RALGAPA1: variants seen among roughly 807,000 people sequenced by gnomAD.
RALGAPA1 encodes ral GTPase-activating protein subunit alpha-1.
RALGAPA1 carries 52 observed loss-of-function variants against 269.6 expected under a neutral mutation model. That is an observed-to-expected ratio of 0.19 (90% confidence interval 0.15 to 0.24). The LOEUF (loss-of-function observed/expected upper bound fraction) is 0.24, where lower values mean the gene tolerates loss of function less well. Among genes scored for constraint, RALGAPA1 ranks in the 10% least tolerant of loss-of-function variants. The pLI is 1.00. For missense variants in RALGAPA1, 1,917 were observed against 3,013.9 expected (o/e 0.64, Z 8.52); for synonymous variants, 817 against 1,008.3 (o/e 0.81, Z 3.60).
At chr14:35,729,781 C>A (rs1194460363) in intron 12 of RALGAPA1, among the ~76,000 whole-genome samples, 1 of 152,112 alleles carries the variant, frequency 6.6e-6, no homozygotes, top group Non-Finnish European at 1.5e-5. Flanking sequence ...AGTGAAAGAA[C>A]AGGTCTTCCC....
chr14:35,659,170 G>C lies in RALGAPA1; in HGVS notation c.5355C>G (p.Ser1785Arg), dbSNP rs749447980. The part of the protein sequence containing the change: ...VKELIIKTVL[S>R]SARDEPSGPA... Reference sequence around the variant, plus strand: ...GACCAGAGGGCTCATCTCTTGCCGAGCTTAATACAGTTTTGATTATAAGTT... The same window carrying C: ...GACCAGAGGGCTCATCTCTTGCCGACCTTAATACAGTTTTGATTATAAGTT... The change falls in exon 28 of 42, where the codon AGC becomes AGG. Residue 1785 changes from serine (S) to arginine (R), a missense_variant. Transcript: ENST00000680220. The C allele has an allele frequency of 1.2e-6, 2 of 1,611,184 alleles. No individual in the cohort carries two copies. The highest frequency in any genetic ancestry group is 4.5e-5 in the East Asian group (2 of 44,740).
In RALGAPA1 at chr14:35,627,360, A is replaced by T. The variant is rs2061058646; in HGVS notation, c.6587T>A (p.Val2196Asp). Residue 2196 changes from valine to aspartate, a missense_variant, in exon 34 of 42, where the codon GTT (valine) becomes GAT (aspartate). Val to Asp is a radical substitution (Grantham distance 152, BLOSUM62 -3). Around this residue, in one of 11 missense-constraint regions of RALGAPA1, gnomAD observed 132 missense variants for 271.2 expected, o/e 0.49. Coordinates refer to ENST00000680220, the MANE Select transcript of RALGAPA1 (RefSeq NM_001346249.2). ...TCTCTGTAAGCATTCAGGACTAGTA[A>T]CACCCAAATACTGCAAGAGCTCATC... is the stretch of plus-strand genomic sequence containing the variant. ...VLDELLQYLGVTSPECLQRTG... is the reference protein window; with the variant it reads ...VLDELLQYLGDTSPECLQRTG... 6.2e-7 allele frequency: 1 copy of T among 1,614,040 alleles called. No individual in the cohort carries two copies. The highest frequency in any genetic ancestry group is 8.5e-7 in the Non-Finnish European group (1 of 1,179,996).
chr14:35,646,481 T>C lies in RALGAPA1; in HGVS notation c.5676+5324A>G, dbSNP rs575015456. 3.3e-4 allele frequency among the ~76,000 whole-genome samples: 50 copies of C among 152,234 alleles called. 1 individual carries two copies. In the South Asian group the frequency reaches 9.7e-3, roughly 30 times the overall value. On this transcript the variant is annotated intron_variant, in intron 31 of 41. Transcript: ENST00000680220. ...AATACGCCTAATTTAAATCCAATAA[T>C]AACAAACCTAATCATGATGAAACAC...
chr14:35,695,209 G>T (rs374586668), intron 17 of RALGAPA1, among the ~76,000 whole-genome samples: 31 of 151,914 alleles, frequency 2.0e-4, no homozygotes, highest in Middle Eastern at 3.4e-3. Flanking sequence ...ATCAAGCCTG[G>T]GCAACACAAT....
intron 21 of RALGAPA1, among the ~76,000 whole-genome samples, chr14:35,679,326 AATAC>A (rs1331117854): frequency 6.6e-6 from 1 of 152,248 alleles, no homozygotes; most frequent in African/African-American, 2.4e-5. Context: ...ATATAAATTA[AATAC>A]ATACAGATGC....
chr14:35,794,462 G>GT (rs1405830751), intron 1 of RALGAPA1, among the ~76,000 whole-genome samples: 5 of 151,714 alleles, frequency 3.3e-5, no homozygotes, highest in Admixed American at 6.6e-5. Flanking sequence ...TTTTCTTTTT[G>GT]TTTTTTTGTT....
chr14:35,684,945 A>G lies in RALGAPA1; in HGVS notation c.4278T>C (p.Asp1426=), dbSNP rs191383665. ...GATACTTGCTGTCAAATTTTCGGCCATCATATTGGAAAGCGCTGAAAGAAT... is the reference window on the plus strand; with the variant it reads ...GATACTTGCTGTCAAATTTTCGGCCGTCATATTGGAAAGCGCTGAAAGAAT... ...HSDSFSAFQY[D]GRKFDNFGFG... Residue 1426 remains aspartate, a synonymous_variant, in exon 20 of 42, where the codon GAT becomes GAC. Coordinates refer to ENST00000680220, the MANE Select transcript of RALGAPA1 (RefSeq NM_001346249.2). 13 of 1,613,496 alleles carry G rather than the reference A, an allele frequency of 8.1e-6. No individual in the cohort carries two copies. Among genetic ancestry groups the G allele is most frequent in the Non-Finnish European group, 1.0e-5 (12 of 1,179,878 alleles).
intron 20 of RALGAPA1, 119 bp downstream of exon 20, chr14:35,684,810 T>G (rs1595134431): frequency 9.9e-7 from 1 of 1,008,870 alleles, no homozygotes. Flanking sequence ...TTTTCTAACG[T>G]GGGAGCCACT....
At chr14:35,682,528 G>A (rs149011376) in intron 21 of RALGAPA1, among the ~76,000 whole-genome samples, 6 of 151,996 alleles carry the variant, frequency 3.9e-5, no homozygotes, top group Non-Finnish European at 7.4e-5. Context: ...GGATGGTCTC[G>A]ATCTCCTGAC....
intron 36 of RALGAPA1, among the ~76,000 whole-genome samples, chr14:35,603,524 T>A (rs2059414425): frequency 6.6e-6 from 1 of 152,152 alleles, no homozygotes; most frequent in Admixed American, 6.5e-5. Context: ...GAAATCAGTA[T>A]ATCAAACAGA....
chr14:35,602,277 C>G (rs2059338082), intron 36 of RALGAPA1, among the ~76,000 whole-genome samples: 1 of 152,208 alleles, frequency 6.6e-6, no homozygotes, highest in African/African-American at 2.4e-5. Context: ...CAAGAACATT[C>G]ATGGCCAGGC....
chr14:35,666,017 C>CTTT (rs60498434), intron 26 of RALGAPA1, among the ~76,000 whole-genome samples: 1 of 144,588 alleles, frequency 6.9e-6, no homozygotes, highest in Non-Finnish European at 1.5e-5. Context: ...GTGTTTCCTC[C>CTTT]TTTTTTTTTT....
intron 37 of RALGAPA1, among the ~76,000 whole-genome samples, chr14:35,573,907 G>C (rs1371916035): frequency 6.6e-6 from 1 of 152,038 alleles, no homozygotes; most frequent in African/African-American, 2.4e-5. Flanking sequence ...TTCCCTAATA[G>C]GTTTATGTTA....
intron 17 of RALGAPA1, among the ~76,000 whole-genome samples, chr14:35,690,928 G>A (rs912182335): frequency 3.3e-5 from 5 of 152,040 alleles, no homozygotes. Flanking sequence ...AACTAGCCGG[G>A]CGTGGTGGTG....
At chr14:35,656,852 T>C (rs1455695471) in intron 28 of RALGAPA1, among the ~76,000 whole-genome samples, 6 of 152,176 alleles carry the variant, frequency 3.9e-5, no homozygotes, top group Non-Finnish European at 8.8e-5. Flanking sequence ...TGTTCACCCA[T>C]AAATCCTAGG....
chr14:35,635,551 T>A lies in RALGAPA1; in HGVS notation c.5724A>T (p.Leu1908Phe). ...LLCLLDWIMA[L>F]PLKTLLQPFH... ...ATGGTTGGAGCAGTGTCTTTAGAGG[T>A]AAGGCCATGATCCAGTCCAGAAGGC... Residue 1908 changes from leucine (L) to phenylalanine (F), a missense_variant, in exon 32 of 42, where the codon TTA (leucine) becomes TTT (phenylalanine). Physicochemically the swap from Leu to Phe is conservative, Grantham distance 22. This residue lies in a region of RALGAPA1 where 346 missense variants were observed against 566.1 expected (regional missense o/e 0.61). Coordinates refer to ENST00000680220, the MANE Select transcript of RALGAPA1 (RefSeq NM_001346249.2). The A allele has an allele frequency of 6.2e-7, 1 of 1,607,170 alleles. No homozygotes were observed. The highest frequency in any genetic ancestry group is 1.3e-5 in the African/African-American group (1 of 74,846).
intron 31 of RALGAPA1, among the ~76,000 whole-genome samples, chr14:35,651,118 A>C (rs992518525): frequency 1.3e-5 from 2 of 152,154 alleles, no homozygotes; most frequent in Admixed American, 6.5e-5. Context: ...ACTCATAGTC[A>C]AAAGAAAAAA....
chr14:35,666,118 T>C (rs775243942), intron 26 of RALGAPA1, among the ~76,000 whole-genome samples: 14 of 151,834 alleles, frequency 9.2e-5, no homozygotes, highest in Non-Finnish European at 1.5e-4. Context: ...CAGGGTCAAA[T>C]GATCCTCCCA....
At chr14:35,586,741 T>C (rs975860930) in intron 37 of RALGAPA1, among the ~76,000 whole-genome samples, 3 of 152,234 alleles carry the variant, frequency 2.0e-5, no homozygotes, top group African/African-American at 7.2e-5. Flanking sequence ...TCTTTGGTTC[T>C]GTTTCTATGC....
Sources: allele counts gnomAD v4.1 joint callset (sites outside exome capture counted in the v4.1 genomes callset), GRCh38; gene constraint gnomAD v4.1.1; regional missense constraint gnomAD v4.1.1; transcripts MANE v1.5; gene names NCBI Gene and HGNC (gene_info 2026-07-23, HGNC 2026-07-21).